TUT4: variants seen among roughly 807,000 people sequenced by gnomAD.
The protein encoded by TUT4 is terminal uridylyl transferase 4.
In TUT4, 36 loss-of-function variants were observed where a neutral mutation model predicts 192.2. That is an observed-to-expected ratio of 0.19 (90% CI 0.14 to 0.25). The LOEUF (loss-of-function observed/expected upper bound fraction) is 0.25, where lower values mean the gene tolerates loss of function less well. Ranked by LOEUF, TUT4 falls within the 10% of genes least tolerant of loss-of-function variation. The pLI is 1.00. For missense variants in TUT4, 1,493 were observed against 1,957.2 expected (o/e 0.76, Z 4.47); for synonymous variants, 618 against 666.0 (o/e 0.93, Z 1.11).
intron 15 of TUT4, among the ~76,000 whole-genome samples, chr1:52,467,585 C>T (rs1020159088): frequency 2.6e-5 from 4 of 152,148 alleles, no homozygotes; most frequent in African/African-American, 7.2e-5. Context: ...AAACCATTCA[C>T]TCAGATCATG....
chr1:52,441,386 C>T (rs1224286765), intron 24 of TUT4, among the ~76,000 whole-genome samples: 1 of 148,402 alleles, frequency 6.7e-6, no homozygotes, highest in Non-Finnish European at 1.5e-5. Flanking sequence ...CGGGTTCAAG[C>T]GATTCTCCTG....
intron 2 of TUT4, among the ~76,000 whole-genome samples, chr1:52,524,510 C>CGTGG: frequency 6.9e-6 from 1 of 144,416 alleles, no homozygotes; most frequent in African/African-American, 2.6e-5. Context: ...GGTGACAGAG[C>CGTGG]GAGACTCCAT....
rs1445198966 is a variant in TUT4, at chr1:52,474,914, G to C, written c.2645C>G (p.Ala882Gly). 3.7e-6 allele frequency: 6 copies of C among 1,614,096 alleles called. No homozygotes were observed. The East Asian group carries it at 1.3e-4, about 36-fold the overall frequency. Residue 882 changes from alanine (A) to glycine (G), a missense_variant, in exon 13 of 30, where the codon GCT becomes GGT. Coordinates refer to ENST00000257177, the MANE Select transcript of TUT4 (RefSeq NM_001009881.3). ...TSCNCKATED[A>G]SDLNDDDNLP... ...GTTATCATCATCATTAAGGTCAGAAGCATCTTCTGTAGCTTTGCAGTTGCA... is the reference window on the plus strand; with the variant it reads ...GTTATCATCATCATTAAGGTCAGAACCATCTTCTGTAGCTTTGCAGTTGCA...
intron 4 of TUT4, among the ~76,000 whole-genome samples, chr1:52,502,619 T>TTTTTC (rs1674464333): frequency 7.2e-6 from 1 of 139,286 alleles, no homozygotes; most frequent in African/African-American, 2.8e-5. Context: ...CTTTTTTTTT[T>TTTTTC]TTTTTTTTTT....
Position 52,445,867 on chromosome 1 carries a change from T to A in TUT4, c.3742A>T (p.Thr1248Ser). 1 of 1,611,912 alleles carries A rather than the reference T, an allele frequency of 6.2e-7. No individual in the cohort carries two copies. Among genetic ancestry groups the A allele is most frequent in the Non-Finnish European group, 8.5e-7 (1 of 1,178,898 alleles). ...NLGAGVSRKM[T>S]NFIMKAFING... ...ATAAATGCTTTCATGATGAAATTGG[T>A]CACTATTAAAGAAAGAAGAAAACAA... is the stretch of plus-strand genomic sequence containing the variant. The change falls in exon 24 of 30, where the codon ACC becomes TCC. Residue 1248 changes from threonine (T) to serine (S), a missense_variant and splice_region_variant. Physicochemically the swap from Thr to Ser is moderately conservative, Grantham distance 58. Transcript: ENST00000257177.
rs1648819155 is a variant in TUT4, at chr1:52,423,768, T to C, written c.*167A>G. The C allele has an allele frequency of 6.7e-7, 1 of 1,485,928 alleles. No individual in the cohort carries two copies. The highest frequency in any genetic ancestry group is 2.0e-5 in the Admixed American group (1 of 50,648). The allele number at this position is 1,485,928 out of a possible 1,614,324, so 92.0% of individuals were successfully genotyped here. ...ACAGTCTTAGAATTTAAATAAGCTATCTAAACGTGTTAAAATTTTAAATCA... is the reference window on the plus strand; with the variant it reads ...ACAGTCTTAGAATTTAAATAAGCTACCTAAACGTGTTAAAATTTTAAATCA... On this transcript the variant is annotated 3_prime_UTR_variant, in exon 30 of 30. Transcript: ENST00000257177.
Position 52,495,434 on chromosome 1 carries a change from G to A in TUT4, c.1259C>T (p.Pro420Leu), listed in dbSNP as rs1449307249. 1.3e-6 allele frequency: 2 copies of A among 1,599,914 alleles called. No individual in the cohort carries two copies. Among genetic ancestry groups the A allele is most frequent in the Non-Finnish European group, 1.7e-6 (2 of 1,170,498 alleles). Residue 420 changes from proline to leucine, a missense_variant, in exon 6 of 30, where the codon CCT becomes CTT. Pro to Leu is a moderately conservative substitution (Grantham distance 98). Transcript: ENST00000257177. ...SSDVNIDIKF[P>L]PKMNHPDLLI... ...AAGATTCTAATTACTTACCTTGGGA[G>A]GAAATTTTATATCTATATTAACATC... is the stretch of plus-strand genomic sequence containing the variant.
chr1:52,432,616 G>T (rs1346587903), intron 27 of TUT4: 1 of 152,178 alleles, frequency 6.6e-6, no homozygotes, highest in Non-Finnish European at 1.5e-5. Flanking sequence ...ATAAAATAGA[G>T]AATTTTTTTA....
At chr1:52,507,367 T>C (rs1228449763) in intron 4 of TUT4, among the ~76,000 whole-genome samples, 4 of 152,222 alleles carry the variant, frequency 2.6e-5, no homozygotes, top group Admixed American at 6.5e-5. Context: ...TTCCCTATAG[T>C]GCAACCTAGA....
chr1:52,469,053 T>C (rs1189560193), intron 14 of TUT4, among the ~76,000 whole-genome samples: 4 of 152,318 alleles, frequency 2.6e-5, no homozygotes, highest in African/African-American at 9.6e-5. Flanking sequence ...ATAAAATTAA[T>C]GTAATTCGTT....
intron 13 of TUT4, among the ~76,000 whole-genome samples, chr1:52,473,405 T>A (rs1194410527): frequency 6.6e-6 from 1 of 152,154 alleles, no homozygotes; most frequent in Non-Finnish European, 1.5e-5. Flanking sequence ...AATTTGCTAA[T>A]AAGGTACCTC....
intron 16 of TUT4, chr1:52,463,038 G>A (rs1486814495): frequency 1.4e-5 from 14 of 983,548 alleles, no homozygotes; most frequent in Non-Finnish European, 1.7e-5. Flanking sequence ...AACAAAGGAG[G>A]TAATTTTTCT....
In TUT4 at chr1:52,488,970, G is replaced by T; in HGVS notation, c.1454C>A (p.Ala485Asp). Residue 485 changes from alanine (A) to aspartate (D), a missense_variant, in exon 9 of 30, where the codon GCC becomes GAC. Physicochemically the swap from Ala to Asp is moderately radical, Grantham distance 126 (BLOSUM62 -2). Transcript: ENST00000257177. ...MACLTTDLLT[A>D]LGKIEPVFIP... ...AAAGACAGGTTCTATTTTGCCAAGG[G>T]CAGTAAGTAAATCAGTAGTGAGACA... The T allele has an allele frequency of 6.2e-7, 1 of 1,613,766 alleles. No individual in the cohort carries two copies. The highest frequency in any genetic ancestry group is 8.5e-7 in the Non-Finnish European group (1 of 1,179,858).
chr1:52,513,545 G>A lies in TUT4; in HGVS notation c.882+2346C>T, dbSNP rs76902887. 1.8e-4 allele frequency among the ~76,000 whole-genome samples: 27 copies of A among 151,114 alleles called. No individual in the cohort carries two copies. The East Asian group carries it at 2.7e-3, about 15-fold the overall frequency. On this transcript the variant is annotated intron_variant, in intron 3 of 29. Coordinates refer to ENST00000257177, the MANE Select transcript of TUT4 (RefSeq NM_001009881.3). The stretch of plus-strand genomic sequence containing the variant: ...AAGAAAAGGGATTACAAATATCTAC[G>A]CTGGTACTGGCACAGTAACTTTACA...
intron 1 of TUT4, among the ~76,000 whole-genome samples, chr1:52,534,426 T>C (rs948738766): frequency 6.6e-6 from 1 of 152,198 alleles, no homozygotes; most frequent in African/African-American, 2.4e-5. Context: ...ACCCAATTTG[T>C]TGAAAATTCA....
intron 9 of TUT4, among the ~76,000 whole-genome samples, chr1:52,483,073 C>A (rs910075920): frequency 2.0e-5 from 3 of 152,152 alleles, no homozygotes; most frequent in Admixed American, 2.0e-4. Context: ...TGTGCATACA[C>A]CCCTTCAAAC....
At chr1:52,464,365 C>T (rs1006248750) in intron 16 of TUT4, among the ~76,000 whole-genome samples, 11 of 152,124 alleles carry the variant, frequency 7.2e-5, no homozygotes, top group African/African-American at 2.7e-4. Context: ...AGCGATTCTC[C>T]TGCCTCAGCC....
chr1:52,468,126 T>G, intron 15 of TUT4, 55 bp downstream of exon 15: 1 of 1,303,692 alleles, frequency 7.7e-7, no homozygotes, highest in Non-Finnish European at 1.1e-6. Flanking sequence ...TAAATGAAAC[T>G]CAAGACTACA....
intron 9 of TUT4, among the ~76,000 whole-genome samples, chr1:52,487,549 G>A (rs987887404): frequency 6.6e-6 from 1 of 152,078 alleles, no homozygotes; most frequent in African/African-American, 2.4e-5. Context: ...TAAGATAAAT[G>A]AGAGGAAGTA....
Sources: gnomAD v4.1 joint callset for allele counts (sites outside exome capture counted in the v4.1 genomes callset) on GRCh38, gnomAD v4.1.1 for gene constraint, MANE v1.5 for transcripts, NCBI Gene and HGNC (gene_info 2026-07-23, HGNC 2026-07-21) for gene names.